The following SNTG2 variants were observed in gnomAD, a reference collection of about 807,000 sequenced individuals.
SNTG2 encodes syntrophin gamma 2, also known as gamma-2-syntrophin.
SNTG2 carries 74 observed loss-of-function variants against 70.9 expected under a neutral mutation model. The ratio of observed to expected loss-of-function variants is 1.04; its 90% CI spans 0.86 to 1.27. The LOEUF is 1.27. Ranked by LOEUF, SNTG2 falls within the 50% of genes most tolerant of loss-of-function variation. SNTG2 has a pLI of 0.00. For synonymous variants in SNTG2, 278 were observed against 273.8 expected (o/e 1.02, Z -0.15); for missense variants, 717 against 690.7 (o/e 1.04, Z -0.43).
At chr2:1,168,570 C>T (rs1670909740) in intron 7 of SNTG2, among the ~76,000 whole-genome samples, 2 of 152,266 alleles carry the variant, frequency 1.3e-5, no homozygotes, top group East Asian at 3.8e-4. Context: ...CATCATTAGA[C>T]TCATAGCATG....
At chr2:971,620 T>A (rs1489409060) in intron 1 of SNTG2, among the ~76,000 whole-genome samples, 1 of 152,050 alleles carries the variant, frequency 6.6e-6, no homozygotes, top group African/African-American at 2.4e-5. Context: ...GTTTTGCTAA[T>A]CTTTTGTATG....
chr2:952,053 C>T (rs987645235), intron 1 of SNTG2, among the ~76,000 whole-genome samples: 5 of 152,170 alleles, frequency 3.3e-5, no homozygotes, highest in Non-Finnish European at 7.4e-5. Context: ...AAAAAGATTT[C>T]TATGTAGAGA....
intron 1 of SNTG2, among the ~76,000 whole-genome samples, chr2:993,228 C>T (rs1330763408): frequency 2.3e-5 from 3 of 130,238 alleles, no homozygotes; most frequent in African/African-American, 8.4e-5. Context: ...CTCCCCCCTC[C>T]CCCGACCCCA....
At chr2:1,174,991 G>A (rs537097060) in intron 8 of SNTG2, among the ~76,000 whole-genome samples, 2 of 152,074 alleles carry the variant, frequency 1.3e-5, no homozygotes, top group Non-Finnish European at 2.9e-5. Flanking sequence ...CATTTTGTTT[G>A]TGCTATCTTC....
chr2:1,152,889 C>T (rs569665024), intron 6 of SNTG2, among the ~76,000 whole-genome samples: 182 of 152,088 alleles, frequency 1.2e-3, no homozygotes, highest in Middle Eastern at 3.4e-3. Flanking sequence ...TTTGGGAGGC[C>T]AAGGTGGGCG....
chr2:1,155,174 C>CACACACACACACACA lies in SNTG2; in HGVS notation c.412-10374_412-10373insACACACACACACACA, dbSNP rs376428558. 4.3e-3 allele frequency among the ~76,000 whole-genome samples: 627 copies of CACACACACACACACA among 146,718 alleles called. 10 individuals are homozygous for CACACACACACACACA. Among genetic ancestry groups the CACACACACACACACA allele is most frequent in the African/African-American group, 0.013 (540 of 40,180 alleles). ...CCATACACACACACACGTAGACCCC[C>CACACACACACACACA]CCCCCACACACATATATAGACCACA... On this transcript the variant is annotated intron_variant, in intron 6 of 16. Coordinates refer to ENST00000308624, the MANE Select transcript of SNTG2 (RefSeq NM_018968.4).
At chr2:1,312,703 G>A (rs1263330382) in intron 15 of SNTG2, among the ~76,000 whole-genome samples, 2 of 152,222 alleles carry the variant, frequency 1.3e-5, no homozygotes, top group African/African-American at 4.8e-5. Flanking sequence ...CCACACCGCA[G>A]CAAATTATGA....
At chr2:1,115,350 G>T (rs1482865688) in intron 4 of SNTG2, among the ~76,000 whole-genome samples, 2 of 151,910 alleles carry the variant, frequency 1.3e-5, no homozygotes, top group Non-Finnish European at 2.9e-5. Context: ...TGTAGTAAGT[G>T]AGGTTTAACC....
chr2:977,640 T>A (rs1160342173), intron 1 of SNTG2, among the ~76,000 whole-genome samples: 2 of 152,116 alleles, frequency 1.3e-5, no homozygotes, highest in Non-Finnish European at 2.9e-5. Context: ...GTAAGTCAGG[T>A]CTCATCCCCT....
At chr2:982,766 G>A (rs1463218708) in intron 1 of SNTG2, among the ~76,000 whole-genome samples, 2 of 152,188 alleles carry the variant, frequency 1.3e-5, no homozygotes, top group African/African-American at 4.8e-5. Context: ...AGTATTGACC[G>A]TGGCCCTCAT....
At chr2:1,249,982 G>A (rs972484568) in intron 12 of SNTG2, among the ~76,000 whole-genome samples, 3 of 152,184 alleles carry the variant, frequency 2.0e-5, no homozygotes, top group Non-Finnish European at 4.4e-5. Flanking sequence ...TGAGGAGGGC[G>A]CATGGCACTG....
chr2:1,278,314 G>A (rs1363572688), intron 14 of SNTG2, among the ~76,000 whole-genome samples: 1 of 151,978 alleles, frequency 6.6e-6, no homozygotes, highest in Non-Finnish European at 1.5e-5. Context: ...TACCGCACCA[G>A]GTTGCTGTTT....
chr2:1,347,583 T>C (rs1389012144), intron 16 of SNTG2, among the ~76,000 whole-genome samples: 1 of 152,252 alleles, frequency 6.6e-6, no homozygotes, highest in Non-Finnish European at 1.5e-5. Context: ...GTCAGGCCCC[T>C]GTCTGGCTCC....
chr2:1,193,917 C>T (rs765505601), intron 8 of SNTG2, among the ~76,000 whole-genome samples: 43 of 152,196 alleles, frequency 2.8e-4, no homozygotes, highest in Non-Finnish European at 5.1e-4. Flanking sequence ...TCTGACTTTC[C>T]GAGTGGAGCT....
intron 6 of SNTG2, among the ~76,000 whole-genome samples, chr2:1,141,442 CA>C (rs1224391128): frequency 2.0e-5 from 3 of 152,124 alleles, no homozygotes; most frequent in African/African-American, 4.8e-5. Context: ...AGCTGTTTAC[CA>C]GGTATCAGGG....
chr2:1,104,631 C>G (rs141679687), intron 4 of SNTG2, among the ~76,000 whole-genome samples: 2 of 152,152 alleles, frequency 1.3e-5, no homozygotes, highest in Admixed American at 6.5e-5. Context: ...CAAGCCCTGC[C>G]GTGGGTCCTT....
chr2:996,673 G>GTTTTTTTTTTTTTTTTTTTT lies in SNTG2; in HGVS notation c.72+45617_72+45636dup. Among the ~76,000 whole-genome samples, 41 of 35,096 alleles carry GTTTTTTTTTTTTTTTTTTTT rather than the reference G, an allele frequency of 1.2e-3. 8 individuals carry two copies. Among genetic ancestry groups the GTTTTTTTTTTTTTTTTTTTT allele is most frequent in the East Asian group, 2.5e-3 (2 of 796 alleles). The allele number at this position is 35,096 out of a possible 152,430, so 23.0% of individuals were successfully genotyped here. ...ATATTGCTTGTATTTGAGTTACCCA[G>GTTTTTTTTTTTTTTTTTTTT]TTTTTTTTTTTTTTTTTTTTTTTTT... is the stretch of plus-strand genomic sequence containing the variant. On this transcript the variant is annotated intron_variant, in intron 1 of 16. Coordinates refer to ENST00000308624, the MANE Select transcript of SNTG2 (RefSeq NM_018968.4).
At chr2:1,364,348 GT>G (rs1661360478) in intron 16 of SNTG2, among the ~76,000 whole-genome samples, 1 of 151,946 alleles carries the variant, frequency 6.6e-6, no homozygotes, top group African/African-American at 2.4e-5. Context: ...TATTGATGTT[GT>G]TTTGAATATG....
chr2:994,075 A>G (rs992416331), intron 1 of SNTG2, among the ~76,000 whole-genome samples: 6 of 152,072 alleles, frequency 3.9e-5, no homozygotes, highest in Admixed American at 1.3e-4. Context: ...CTGACCCAAG[A>G]TTATAAAGAT....
Sources: gnomAD v4.1 joint callset for allele counts (sites outside exome capture counted in the v4.1 genomes callset) on GRCh38, gnomAD v4.1.1 for gene constraint, MANE v1.5 for transcripts, NCBI Gene and HGNC (gene_info 2026-07-23, HGNC 2026-07-21) for gene names.